Variants in ZRANB1 observed in about 807,000 individuals in gnomAD.
ZRANB1 encodes ubiquitin thioesterase ZRANB1.
Under a neutral mutation model 80.5 loss-of-function variants are expected in ZRANB1, and 16 were observed. The observed-to-expected ratio is 0.20, with a 90% CI of 0.13 to 0.30. ZRANB1 has a LOEUF of 0.30. Ranked by LOEUF, ZRANB1 falls within the 10% of genes least tolerant of loss-of-function variation. The pLI, the probability that ZRANB1 is intolerant of heterozygous loss-of-function variation, is 1.00. For missense variants in ZRANB1, 576 were observed against 862.6 expected (o/e 0.67, Z 4.16); for synonymous variants, 291 against 293.1 (o/e 0.99, Z 0.07).
At chr10:124,917,828 C>T in the ZRANB1 span, among the ~76,000 whole-genome samples, 2 of 152,166 alleles carry the variant, frequency 1.3e-5, no homozygotes, top group East Asian at 1.9e-4. Context: ...TTCGTCTACC[C>T]CTCCTGCTCG....
Position 124,986,023 on chromosome 10 carries a change from A to G in ZRANB1, c.*1031A>G, listed in dbSNP as rs974439849. ...TGCAATAAGGTGGCAAATGCATTGT[A>G]TGAAGAATTTCTCAGTGTTTAGTCT... On this transcript the variant is annotated 3_prime_UTR_variant, in exon 9 of 9. Transcript: ENST00000359653. 8 of 152,526 alleles carry G rather than the reference A, an allele frequency of 5.2e-5. No homozygotes were observed. The highest frequency in any genetic ancestry group is 9.6e-5 in the African/African-American group (4 of 41,458). 9.4% of individuals were successfully genotyped at this position (152,526 alleles called of 1,614,324 possible).
chr10:124,958,414 CAA>C (rs1951703869), intron 1 of ZRANB1, among the ~76,000 whole-genome samples: 1 of 151,908 alleles, frequency 6.6e-6, no homozygotes, highest in Non-Finnish European at 1.5e-5. Context: ...GGCTCCATCT[CAA>C]AGAAAAGCAG....
chr10:124,950,065 A>G (rs907052411), intron 1 of ZRANB1, among the ~76,000 whole-genome samples: 2 of 152,178 alleles, frequency 1.3e-5, no homozygotes, highest in South Asian at 4.1e-4. Context: ...CACTTTCAGA[A>G]TTTTGACATG....
At chr10:124,941,397 A>G (rs1589838010), upstream of ZRANB1, among the ~76,000 whole-genome samples, 1 of 152,272 alleles carries the variant, frequency 6.6e-6, no homozygotes, top group East Asian at 1.9e-4. Context: ...TCTGTCACCC[A>G]GGCTAGAGTG....
intron 2 of ZRANB1, among the ~76,000 whole-genome samples, chr10:124,971,094 G>A (rs1372484605): frequency 6.6e-6 from 1 of 152,056 alleles, no homozygotes; most frequent in Non-Finnish European, 1.5e-5. Flanking sequence ...AGAGTTGGTG[G>A]GATCACAGGC....
Position 124,942,206 on chromosome 10 carries a change from C to T in ZRANB1, c.-288C>T, listed in dbSNP as rs985759097. ...TCTTAGATCAAACCTCGTTATATCT[C>T]CTGCCTATCTCTTTTGCATTCCAAA... On this transcript the variant is annotated 5_prime_UTR_variant, in exon 1 of 9. Coordinates refer to ENST00000359653, the MANE Select transcript of ZRANB1 (RefSeq NM_017580.3). 4.1e-6 allele frequency: 5 copies of T among 1,222,244 alleles called. No individual in the cohort carries two copies. Among genetic ancestry groups the T allele is most frequent in the Non-Finnish European group, 5.1e-6 (5 of 974,914 alleles). The allele number at this position is 1,222,244 out of a possible 1,614,324, so 75.7% of individuals were successfully genotyped here.
chr10:124,955,276 C>T (rs77491558), intron 1 of ZRANB1, among the ~76,000 whole-genome samples: 12,277 of 150,584 alleles, frequency 0.082, 680 homozygotes, highest in Admixed American at 0.16. Flanking sequence ...TACTGTGTTG[C>T]GCAGGCTAGA....
chr10:124,981,889 G>T, intron 6 of ZRANB1, 60 bp downstream of exon 6: 1 of 1,593,626 alleles, frequency 6.3e-7, no homozygotes, highest in Non-Finnish European at 8.5e-7. Context: ...GTCTAAACTG[G>T]TTTATTTGAG....
At chr10:124,981,592 A>G (rs1951934254) in intron 5 of ZRANB1, 117 bp from the exon 6 acceptor site, 1 of 993,086 alleles carries the variant, frequency 1.0e-6, no homozygotes, top group Admixed American at 3.5e-5. Flanking sequence ...ACAAAATAAA[A>G]TTATTAATTG....
At chr10:124,960,743 T>A (rs1951726468) in intron 1 of ZRANB1, among the ~76,000 whole-genome samples, 1 of 152,074 alleles carries the variant, frequency 6.6e-6, no homozygotes, top group Non-Finnish European at 1.5e-5. Flanking sequence ...TTTTAAAATG[T>A]TCATTTACCC....
intron 1 of ZRANB1, among the ~76,000 whole-genome samples, chr10:124,954,629 G>T (rs1202977678): frequency 6.7e-6 from 1 of 149,762 alleles, no homozygotes; most frequent in African/African-American, 2.5e-5. Flanking sequence ...TGTATTTTTA[G>T]TAGAGATGGG....
chr10:124,918,260 G>C, the ZRANB1 span, among the ~76,000 whole-genome samples: 1 of 152,056 alleles, frequency 6.6e-6, no homozygotes, highest in East Asian at 1.9e-4. Flanking sequence ...GCGCTATCTC[G>C]GCTCACCGCA....
At chr10:124,955,302 C>G (rs966923607) in intron 1 of ZRANB1, among the ~76,000 whole-genome samples, 1 of 151,000 alleles carries the variant, frequency 6.6e-6, no homozygotes, top group Admixed American at 6.6e-5. Context: ...GTGGTATAAT[C>G]TCGGCTCACT....
chr10:124,920,861 C>T, the ZRANB1 span, among the ~76,000 whole-genome samples: 2 of 152,026 alleles, frequency 1.3e-5, no homozygotes, highest in Non-Finnish European at 2.9e-5. Flanking sequence ...TACCCTGTAT[C>T]TATCTATGGA....
intron 1 of ZRANB1, among the ~76,000 whole-genome samples, chr10:124,943,577 GATTC>G (rs1224786659): frequency 2.0e-5 from 3 of 152,162 alleles, no homozygotes; most frequent in African/African-American, 7.2e-5. Flanking sequence ...ACTAGCATTT[GATTC>G]ATTCAGCACG....
chr10:124,928,809 C>G, the ZRANB1 span, among the ~76,000 whole-genome samples: 1 of 152,256 alleles, frequency 6.6e-6, no homozygotes, highest in South Asian at 2.1e-4. Context: ...TGGAGAATGC[C>G]TGAGTGGTCA....
chr10:124,984,622 C>A, intron 8 of ZRANB1, 152 bp from the exon 9 acceptor site: 1 of 717,914 alleles, frequency 1.4e-6, no homozygotes, highest in Non-Finnish European at 2.2e-6. Flanking sequence ...ACTTTAATCA[C>A]AAAACTTCCA....
At chr10:124,976,001 T>C (rs547843561) in intron 5 of ZRANB1, among the ~76,000 whole-genome samples, 1 of 152,244 alleles carries the variant, frequency 6.6e-6, no homozygotes, top group East Asian at 1.9e-4. Flanking sequence ...TGAGACTGTC[T>C]TGTGGGGAGC....
intron 2 of ZRANB1, among the ~76,000 whole-genome samples, chr10:124,967,879 A>G (rs1951789261): frequency 1.3e-5 from 2 of 151,604 alleles, no homozygotes; most frequent in South Asian, 4.1e-4. Context: ...GAATGTGACT[A>G]CATTATCCAG....
Sources: allele counts gnomAD v4.1 joint callset (sites outside exome capture counted in the v4.1 genomes callset), GRCh38; gene constraint gnomAD v4.1.1; transcripts MANE v1.5; gene names NCBI Gene and HGNC (gene_info 2026-07-23, HGNC 2026-07-21).